Variants in GDPD1 observed in about 807,000 individuals in gnomAD.
The protein encoded by GDPD1 is lysophospholipase D GDPD1.
In GDPD1, 28 loss-of-function variants were observed where a neutral mutation model predicts 45.1. The observed-to-expected ratio is 0.62, with a 90% CI of 0.46 to 0.85. The LOEUF (loss-of-function observed/expected upper bound fraction) is 0.85, where lower values mean the gene tolerates loss of function less well. GDPD1 is among the 40% of genes least tolerant of loss of function. The probability of loss-of-function intolerance (pLI) is 0.00; values close to 1 mark genes in which losing one functional copy is unlikely to be tolerated. For missense variants in GDPD1, 256 were observed against 364.8 expected (o/e 0.70, Z 2.43); for synonymous variants, 139 against 131.4 (o/e 1.06, Z -0.40).
At chr17:59,225,094 T>TC (rs1255812573) in intron 1 of GDPD1, among the ~76,000 whole-genome samples, 171 of 140,472 alleles carry the variant, frequency 1.2e-3, no homozygotes, top group Middle Eastern at 3.4e-3. Context: ...TCTTTTCTTT[T>TC]TTTTTTTTTT....
intron 6 of GDPD1, among the ~76,000 whole-genome samples, chr17:59,265,706 T>G (rs1337432815): frequency 6.6e-6 from 1 of 151,782 alleles, no homozygotes; most frequent in Admixed American, 6.6e-5. Context: ...GAGACCAGCC[T>G]GGGTGACATG....
intron 5 of GDPD1, 140 bp downstream of exon 5, chr17:59,257,380 TTAG>T: frequency 8.6e-6 from 5 of 578,070 alleles, no homozygotes; most frequent in Non-Finnish European, 1.5e-5. Context: ...AAATAATGCC[TTAG>T]TAGAAGAGAT....
At chr17:59,270,237 A>G (rs1366566681) in intron 7 of GDPD1, among the ~76,000 whole-genome samples, 2 of 151,062 alleles carry the variant, frequency 1.3e-5, no homozygotes, top group Non-Finnish European at 2.9e-5. Flanking sequence ...TTTGTCACCC[A>G]GGCTGGAGTG....
chr17:59,247,874 C>G (rs1284776298), intron 3 of GDPD1, among the ~76,000 whole-genome samples: 1 of 152,082 alleles, frequency 6.6e-6, no homozygotes, highest in Admixed American at 6.6e-5. Context: ...AGGTGATATG[C>G]CTGCCTCAGC....
At chr17:59,231,863 A>G (rs975904499) in intron 1 of GDPD1, among the ~76,000 whole-genome samples, 5 of 152,036 alleles carry the variant, frequency 3.3e-5, no homozygotes, top group African/African-American at 9.7e-5. Context: ...CCTGGGCTCA[A>G]GCGATCTTTC....
chr17:59,228,661 T>C (rs1195839704), intron 1 of GDPD1, among the ~76,000 whole-genome samples: 1 of 151,914 alleles, frequency 6.6e-6, no homozygotes, highest in Non-Finnish European at 1.5e-5. Context: ...GGCAGGAGGA[T>C]TGCTTGAGTC....
intron 2 of GDPD1, among the ~76,000 whole-genome samples, chr17:59,236,692 T>C (rs2047134506): frequency 1.3e-5 from 2 of 152,164 alleles, no homozygotes; most frequent in Non-Finnish European, 2.9e-5. Flanking sequence ...ATTTTTTTAA[T>C]AGAGACAAGG....
At chr17:59,251,800 G>T (rs1269458505) in intron 4 of GDPD1, among the ~76,000 whole-genome samples, 1 of 151,204 alleles carries the variant, frequency 6.6e-6, no homozygotes, top group Admixed American at 6.6e-5. Context: ...GATCCCAGGG[G>T]TTCGAGACCA....
chr17:59,247,413 T>C (rs1236787516), intron 3 of GDPD1, among the ~76,000 whole-genome samples: 1 of 152,168 alleles, frequency 6.6e-6, no homozygotes, highest in East Asian at 1.9e-4. Context: ...TGCCAACCGC[T>C]GATGTTTTTG....
rs199497488 is a variant in GDPD1 at position 59,268,989 on chromosome 17, C to CA, written c.710+1824dup. Among the ~76,000 whole-genome samples, 789 of 150,500 alleles carry CA rather than the reference C, an allele frequency of 5.2e-3. 5 individuals are homozygous for CA. Among genetic ancestry groups the CA allele is most frequent in the African/African-American group, 0.018 (747 of 40,976 alleles). On this transcript the variant is annotated intron_variant, in intron 7 of 9. Transcript: ENST00000284116. ...TGAGCGACAGAGCGAGACTCCTTCT[C>CA]AAAAAAAAATAAGAAAGAAAAACAA...
At chr17:59,265,591 A>T (rs189335186) in intron 6 of GDPD1, among the ~76,000 whole-genome samples, 70 of 150,286 alleles carry the variant, frequency 4.7e-4, no homozygotes, top group African/African-American at 1.7e-3. Context: ...GGGAATGGAG[A>T]TTTGTTATTT....
At chr17:59,260,523 G>A (rs2047347702) in intron 6 of GDPD1, among the ~76,000 whole-genome samples, 1 of 151,810 alleles carries the variant, frequency 6.6e-6, no homozygotes, top group South Asian at 2.1e-4. Flanking sequence ...GCCTGGGCAA[G>A]AGACCGAGAC....
intron 6 of GDPD1, among the ~76,000 whole-genome samples, chr17:59,259,566 CAAAAAAA>C (rs71367681): frequency 2.4e-4 from 6 of 24,848 alleles, no homozygotes; most frequent in Non-Finnish European, 3.6e-4. Flanking sequence ...GACTCTGTCT[CAAAAAAA>C]AAAAAAAAAA....
intron 1 of GDPD1, among the ~76,000 whole-genome samples, chr17:59,232,754 A>G (rs953958203): frequency 6.6e-5 from 10 of 152,288 alleles, no homozygotes; most frequent in African/African-American, 2.4e-4. Flanking sequence ...GAGACTTCTA[A>G]GACAAAAACT....
At chr17:59,226,932 C>T (rs1481938870) in intron 1 of GDPD1, among the ~76,000 whole-genome samples, 4 of 151,646 alleles carry the variant, frequency 2.6e-5, no homozygotes, top group East Asian at 2.0e-4. Flanking sequence ...CCACCTACCT[C>T]GGCCTCCCAA....
At chr17:59,232,894 AAT>A (rs1401573514) in intron 1 of GDPD1, among the ~76,000 whole-genome samples, 1 of 152,150 alleles carries the variant, frequency 6.6e-6, no homozygotes, top group African/African-American at 2.4e-5. Context: ...TTAAAAAAAA[AAT>A]AACAGTGTAT....
intron 4 of GDPD1, among the ~76,000 whole-genome samples, chr17:59,255,854 C>CGTGT (rs2047302829): frequency 1.2e-5 from 1 of 81,952 alleles, no homozygotes; most frequent in Non-Finnish European, 2.1e-5. Flanking sequence ...TATATATACA[C>CGTGT]ACGTATATAT....
At chr17:59,266,400 A>G (rs2047399595) in intron 6 of GDPD1, among the ~76,000 whole-genome samples, 1 of 151,988 alleles carries the variant, frequency 6.6e-6, no homozygotes, top group Non-Finnish European at 1.5e-5. Context: ...AAAAAAAAAA[A>G]AAAAAATCTT....
Position 59,245,435 on chromosome 17 carries a change from T to C in GDPD1, c.207T>C (p.Asp69=), listed in dbSNP as rs758599761. 1 of 1,611,504 alleles carries C rather than the reference T, an allele frequency of 6.2e-7. No individual in the cohort carries two copies. Among genetic ancestry groups the C allele is most frequent in the Non-Finnish European group, 8.5e-7 (1 of 1,178,530 alleles). ...TCAGTGCGGTTAAAATCGGAACTGA[T>C]ATGCTAGAATTGGACTGCCATATCA... ...AFQHAVKIGT[D]MLELDCHITK... The change falls in exon 3 of 10, where the codon GAT becomes GAC. Residue 69 remains aspartate, a synonymous_variant. Transcript: ENST00000284116.
Sources: gnomAD v4.1 joint callset for allele counts (sites outside exome capture counted in the v4.1 genomes callset) on GRCh38, gnomAD v4.1.1 for gene constraint, MANE v1.5 for transcripts, NCBI Gene and HGNC (gene_info 2026-07-23, HGNC 2026-07-21) for gene names.